CTNNA3: variants seen among roughly 807,000 people sequenced by gnomAD.
The protein encoded by CTNNA3 is catenin alpha 3.
In CTNNA3, 76 loss-of-function variants were observed where a neutral mutation model predicts 95.7. That is an observed-to-expected ratio of 0.79 (90% CI 0.66 to 0.96). The LOEUF is 0.96. Ranked by LOEUF, CTNNA3 falls within the 40% of genes least tolerant of loss-of-function variation. CTNNA3 has a pLI of 0.00. For synonymous variants in CTNNA3, 431 were observed against 374.4 expected (o/e 1.15, Z -1.74); for missense variants, 1,191 against 1,089.8 (o/e 1.09, Z -1.31).
At chr10:66,850,099 A>G (rs1843430439) in intron 7 of CTNNA3, among the ~76,000 whole-genome samples, 1 of 152,202 alleles carries the variant, frequency 6.6e-6, no homozygotes, top group Non-Finnish European at 1.5e-5. Context: ...TATTCTAACT[A>G]AAGAGTTAAT....
At chr10:66,872,747 G>A (rs1432236323) in intron 7 of CTNNA3, among the ~76,000 whole-genome samples, 2 of 152,042 alleles carry the variant, frequency 1.3e-5, no homozygotes, top group Non-Finnish European at 2.9e-5. Flanking sequence ...TGTTACATGG[G>A]TAGATTGTGT....
At chr10:66,979,277 T>C (rs1346733026) in intron 7 of CTNNA3, among the ~76,000 whole-genome samples, 1 of 152,090 alleles carries the variant, frequency 6.6e-6, no homozygotes, top group Non-Finnish European at 1.5e-5. Flanking sequence ...CATAACTATT[T>C]CTTAAGTAGG....
intron 7 of CTNNA3, among the ~76,000 whole-genome samples, chr10:67,116,043 G>T (rs985679145): frequency 6.6e-6 from 1 of 151,492 alleles, no homozygotes; most frequent in Non-Finnish European, 1.5e-5. Flanking sequence ...TCTCTAGCTT[G>T]CTAAAGAACA....
At chr10:67,060,539 T>G (rs1855700258) in intron 7 of CTNNA3, among the ~76,000 whole-genome samples, 1 of 152,228 alleles carries the variant, frequency 6.6e-6, no homozygotes, top group African/African-American at 2.4e-5. Flanking sequence ...ACTTTGCAGT[T>G]AGGCAGCACC....
intron 5 of CTNNA3, among the ~76,000 whole-genome samples, chr10:67,347,395 A>G (rs1473736634): frequency 2.0e-5 from 3 of 152,072 alleles, no homozygotes; most frequent in Admixed American, 6.6e-5. Flanking sequence ...AAAAGCTCCT[A>G]TTGTTGCATA....
At chr10:65,964,702 G>T (rs1431436846) in intron 17 of CTNNA3, among the ~76,000 whole-genome samples, 2 of 152,074 alleles carry the variant, frequency 1.3e-5, no homozygotes, top group Non-Finnish European at 2.9e-5. Flanking sequence ...ACCTTACAAA[G>T]CACGATTAGT....
chr10:65,954,758 G>A (rs1164392126), intron 17 of CTNNA3, among the ~76,000 whole-genome samples: 2 of 152,116 alleles, frequency 1.3e-5, no homozygotes, highest in Admixed American at 6.5e-5. Context: ...CTCTGTTTTG[G>A]TACCAGTACC....
intron 5 of CTNNA3, among the ~76,000 whole-genome samples, chr10:67,432,481 G>C (rs564938042): frequency 8.7e-4 from 132 of 152,130 alleles, no homozygotes; most frequent in African/African-American, 2.8e-3. Context: ...TGCTGTAAGA[G>C]AGAATCTCTT....
At chr10:67,101,854 T>C (rs554162199) in intron 7 of CTNNA3, among the ~76,000 whole-genome samples, 1 of 151,886 alleles carries the variant, frequency 6.6e-6, no homozygotes, top group African/African-American at 2.4e-5. Context: ...AACTAAACAC[T>C]CAAAATAAGA....
chr10:67,262,757 T>C (rs1866671092), intron 5 of CTNNA3, among the ~76,000 whole-genome samples: 1 of 152,012 alleles, frequency 6.6e-6, no homozygotes, highest in Admixed American at 6.5e-5. Flanking sequence ...CCAAATTGAT[T>C]TAAAACTTGT....
At chr10:67,470,958 TTTTATTTA>T (rs555737893) in intron 5 of CTNNA3, among the ~76,000 whole-genome samples, 8 of 151,944 alleles carry the variant, frequency 5.3e-5, no homozygotes, top group African/African-American at 1.7e-4. Flanking sequence ...TTTTTGTCTT[TTTTATTTA>T]TTTATTTATT....
chr10:66,650,208 T>C (rs997943334), intron 9 of CTNNA3, among the ~76,000 whole-genome samples: 1 of 152,146 alleles, frequency 6.6e-6, no homozygotes, highest in African/African-American at 2.4e-5. Context: ...TGTTAGGTCA[T>C]TCACAAGAGC....
chr10:67,579,104 G>A (rs1283022148), intron 3 of CTNNA3, among the ~76,000 whole-genome samples: 1 of 148,414 alleles, frequency 6.7e-6, no homozygotes, highest in Non-Finnish European at 1.5e-5. Context: ...TGCACAACGT[G>A]CAGGTTTGTT....
chr10:66,819,812 T>C (rs980415810), intron 7 of CTNNA3, among the ~76,000 whole-genome samples: 2 of 152,118 alleles, frequency 1.3e-5, no homozygotes, highest in African/African-American at 4.8e-5. Flanking sequence ...AATATGACTA[T>C]AATTTAAAAC....
chr10:67,146,282 T>C (rs991436173), intron 7 of CTNNA3, among the ~76,000 whole-genome samples: 4 of 152,206 alleles, frequency 2.6e-5, no homozygotes, highest in African/African-American at 4.8e-5. Flanking sequence ...ATATCCATAG[T>C]TTGATAACCT....
intron 5 of CTNNA3, among the ~76,000 whole-genome samples, chr10:67,471,196 A>T (rs984841726): frequency 6.6e-6 from 1 of 152,166 alleles, no homozygotes; most frequent in Non-Finnish European, 1.5e-5. Flanking sequence ...ATGTTCTCAC[A>T]TCCCTGGCCT....
At chr10:67,009,040 C>T (rs911298621) in intron 7 of CTNNA3, among the ~76,000 whole-genome samples, 1 of 152,008 alleles carries the variant, frequency 6.6e-6, no homozygotes, top group African/African-American at 2.4e-5. Flanking sequence ...TTTAATAAAC[C>T]TGTGGGAAAA....
intron 7 of CTNNA3, among the ~76,000 whole-genome samples, chr10:67,161,311 A>G (rs1261791916): frequency 6.6e-6 from 1 of 151,992 alleles, no homozygotes; most frequent in East Asian, 1.9e-4. Context: ...TTTCTAAATT[A>G]TGTTTGATAG....
At chr10:66,773,018 T>C (rs1840156716) in intron 8 of CTNNA3, among the ~76,000 whole-genome samples, 1 of 152,240 alleles carries the variant, frequency 6.6e-6, no homozygotes, top group Admixed American at 6.5e-5. Context: ...AACTGTTGGA[T>C]AAACTTCTTA....
Sources: gnomAD v4.1 joint callset for allele counts (sites outside exome capture counted in the v4.1 genomes callset) on GRCh38, gnomAD v4.1.1 for gene constraint, MANE v1.5 for transcripts, NCBI Gene and HGNC (gene_info 2026-07-23, HGNC 2026-07-21) for gene names.